Variants in STRN3 observed in about 807,000 individuals in gnomAD.
STRN3 encodes striatin-3.
In STRN3, 29 loss-of-function variants were observed where a neutral mutation model predicts 95.6. The ratio of observed to expected loss-of-function variants is 0.30; its 90% CI spans 0.23 to 0.41. The LOEUF (loss-of-function observed/expected upper bound fraction) is 0.41, where lower values mean the gene tolerates loss of function less well. STRN3 is among the 10% of genes least tolerant of loss of function. The pLI, the probability that STRN3 is intolerant of heterozygous loss-of-function variation, is 1.00. For missense variants in STRN3, 890 were observed against 972.1 expected, an observed-to-expected ratio of 0.92 and a Z score of 1.12; for synonymous variants, 331 against 357.6, an observed-to-expected ratio of 0.93 and a Z score of 0.84.
At chr14:31,021,074 G>T (rs1283941915) in intron 1 of STRN3, among the ~76,000 whole-genome samples, 1 of 152,176 alleles carries the variant, frequency 6.6e-6, no homozygotes, top group Non-Finnish European at 1.5e-5. Context: ...AAGGTTCAAT[G>T]ACCTCTATAG....
chr14:30,956,668 T>C (rs1181509364), intron 1 of STRN3, among the ~76,000 whole-genome samples: 1 of 152,186 alleles, frequency 6.6e-6, no homozygotes. Flanking sequence ...TAGTTTATAA[T>C]CCTTAAGATC....
At chr14:30,910,966 G>A in intron 13 of STRN3, 75 bp downstream of exon 13, 2 of 1,513,282 alleles carry the variant, frequency 1.3e-6, no homozygotes, top group South Asian at 1.3e-5. Context: ...AAATAACCTT[G>A]TAATCATATT....
At chr14:30,995,438 C>T (rs1324633256) in intron 1 of STRN3, among the ~76,000 whole-genome samples, 6 of 152,070 alleles carry the variant, frequency 3.9e-5, no homozygotes, top group African/African-American at 1.4e-4. Flanking sequence ...GCTTCATAAC[C>T]CTCTCTCTTG....
intron 1 of STRN3, among the ~76,000 whole-genome samples, chr14:30,963,456 T>C (rs921906919): frequency 1.2e-4 from 18 of 152,244 alleles, no homozygotes; most frequent in Non-Finnish European, 2.5e-4. Flanking sequence ...TCACCCAGGC[T>C]GGAGTGCAGT....
chr14:31,014,810 CT>C (rs1883162809), intron 1 of STRN3: 10 of 407,576 alleles, frequency 2.5e-5, no homozygotes, highest in East Asian at 1.6e-4. Flanking sequence ...CACAAAACCA[CT>C]TTAAAAAAAA....
At chr14:30,994,047 T>C (rs918628590) in intron 1 of STRN3, among the ~76,000 whole-genome samples, 9 of 150,348 alleles carry the variant, frequency 6.0e-5, no homozygotes, top group African/African-American at 2.0e-4. Flanking sequence ...CCAGCTAATT[T>C]TGTATTTTTA....
chr14:30,940,349 G>A (rs1438617285), intron 5 of STRN3, among the ~76,000 whole-genome samples: 1 of 151,948 alleles, frequency 6.6e-6, no homozygotes, highest in Non-Finnish European at 1.5e-5. Flanking sequence ...ATAGCTTCCT[G>A]AGAAAAAATG....
At chr14:30,944,491 CACATATATAT>C (rs1250401090) in intron 5 of STRN3, among the ~76,000 whole-genome samples, 5 of 146,912 alleles carry the variant, frequency 3.4e-5, no homozygotes, top group Non-Finnish European at 7.4e-5. Flanking sequence ...ATAATATATA[CACATATATAT>C]ACATGTATAT....
At chr14:30,981,296 A>G (rs1287813567) in intron 1 of STRN3, among the ~76,000 whole-genome samples, 4 of 152,154 alleles carry the variant, frequency 2.6e-5, no homozygotes, top group African/African-American at 9.7e-5. Context: ...CCTGGGCAAC[A>G]GAACAAGACC....
Position 30,994,666 on chromosome 14 carries a change from A to C in STRN3, c.282+31238T>G, listed in dbSNP as rs186420093. The stretch of plus-strand genomic sequence containing the variant: ...AATTTAACAAGTTACACTTTAAAAA[A>C]ACAGGTGATGTGGTTTTGCTGAATT... On this transcript the variant is annotated intron_variant, in intron 1 of 17. Transcript: ENST00000357479. 1.4e-4 allele frequency among the ~76,000 whole-genome samples: 21 copies of C among 152,380 alleles called. 1 individual carries two copies. The East Asian group carries it at 4.0e-3, about 29-fold the overall frequency.
chr14:30,949,002 C>G (rs1309478422), intron 4 of STRN3, among the ~76,000 whole-genome samples: 3 of 152,202 alleles, frequency 2.0e-5, no homozygotes, highest in Non-Finnish European at 2.9e-5. Context: ...CAGGACAACA[C>G]TTACAGAGTG....
intron 9 of STRN3, among the ~76,000 whole-genome samples, chr14:30,916,923 T>C (rs556575225): frequency 7.6e-4 from 116 of 152,330 alleles, no homozygotes; most frequent in Middle Eastern, 3.4e-3. Context: ...AAGAACTTAG[T>C]CCAGGTAACA....
At chr14:30,953,289 T>C (rs1879743382) in intron 3 of STRN3, among the ~76,000 whole-genome samples, 1 of 152,186 alleles carries the variant, frequency 6.6e-6, no homozygotes, top group South Asian at 2.1e-4. Flanking sequence ...AAGCCTTTCT[T>C]GTGCCCTCCA....
intron 8 of STRN3, among the ~76,000 whole-genome samples, chr14:30,924,757 G>GA (rs1896978725): frequency 1.3e-5 from 2 of 152,120 alleles, no homozygotes; most frequent in Admixed American, 1.3e-4. Flanking sequence ...GGCGGGAGTG[G>GA]AAAGATTGCT....
At chr14:30,980,755 A>C (rs1881356992) in intron 1 of STRN3, among the ~76,000 whole-genome samples, 1 of 152,106 alleles carries the variant, frequency 6.6e-6, no homozygotes, top group African/African-American at 2.4e-5. Context: ...ATAACTTCAC[A>C]AAATTTGTTC....
chr14:30,913,721 G>A, intron 9 of STRN3, 64 bp from the exon 10 acceptor site: 2 of 1,516,208 alleles, frequency 1.3e-6, no homozygotes, highest in South Asian at 1.3e-5. Context: ...AATATTGTGG[G>A]GAAAATTTAA....
At chr14:30,921,065 TACATATACACACAC>T (rs1364070421) in intron 8 of STRN3, among the ~76,000 whole-genome samples, 32 of 89,186 alleles carry the variant, frequency 3.6e-4, no homozygotes, top group African/African-American at 5.4e-4. Context: ...TTTCTACACA[TACATATACACACAC>T]ACACACACAC....
At chr14:30,921,067 C>T (rs941699155) in intron 8 of STRN3, among the ~76,000 whole-genome samples, 6 of 123,494 alleles carry the variant, frequency 4.9e-5, no homozygotes, top group African/African-American at 1.2e-4. Flanking sequence ...TCTACACATA[C>T]ATATACACAC....
chr14:30,939,836 T>A (rs986367418), intron 5 of STRN3, among the ~76,000 whole-genome samples: 3 of 152,136 alleles, frequency 2.0e-5, no homozygotes, highest in Non-Finnish European at 2.9e-5. Context: ...AAAATGTAGT[T>A]CCCTTACAGT....
Sources: allele counts gnomAD v4.1 joint callset (sites outside exome capture counted in the v4.1 genomes callset), GRCh38; gene constraint gnomAD v4.1.1; transcripts MANE v1.5; gene names NCBI Gene and HGNC (gene_info 2026-07-23, HGNC 2026-07-21).